Variants in NOL4 observed in about 807,000 individuals in gnomAD.
The protein encoded by NOL4 is nucleolar protein 4.
NOL4 carries 17 observed loss-of-function variants against 75.9 expected under a neutral mutation model. The ratio of observed to expected loss-of-function variants is 0.22; its 90% CI spans 0.15 to 0.34. The LOEUF (loss-of-function observed/expected upper bound fraction) is 0.34. NOL4 is among the 10% of genes least tolerant of loss of function. The pLI is 1.00. For missense variants in NOL4, 614 were observed against 793.5 expected, an observed-to-expected ratio of 0.77 and a Z score of 2.72; for synonymous variants, 292 against 289.9, an observed-to-expected ratio of 1.01 and a Z score of -0.07.
chr18:34,037,066 A>G (rs2144743190), intron 5 of NOL4, among the ~76,000 whole-genome samples: 1 of 149,032 alleles, frequency 6.7e-6, no homozygotes, highest in African/African-American at 2.4e-5. Context: ...CTGATAACCA[A>G]ATTTAGTAGA....
At chr18:34,056,191 T>G (rs1427193399) in intron 5 of NOL4, among the ~76,000 whole-genome samples, 1 of 152,220 alleles carries the variant, frequency 6.6e-6, no homozygotes, top group Non-Finnish European at 1.5e-5. Context: ...TCTTTGTTTC[T>G]CTGCATGCCT....
intron 1 of NOL4, among the ~76,000 whole-genome samples, chr18:34,206,739 G>A (rs560820849): frequency 6.6e-6 from 1 of 152,010 alleles, no homozygotes; most frequent in Non-Finnish European, 1.5e-5. Flanking sequence ...GTTCCACCAA[G>A]CATTTTGAAT....
intron 6 of NOL4, among the ~76,000 whole-genome samples, chr18:34,014,180 T>A (rs971130765): frequency 6.6e-6 from 1 of 152,002 alleles, no homozygotes; most frequent in Non-Finnish European, 1.5e-5. Context: ...TAATATTTTA[T>A]AAACTAACTG....
At chr18:34,127,442 A>G (rs1314556389) in intron 2 of NOL4, among the ~76,000 whole-genome samples, 1 of 151,920 alleles carries the variant, frequency 6.6e-6, no homozygotes, top group Non-Finnish European at 1.5e-5. Flanking sequence ...CATAATCATC[A>G]TGCATGCTCT....
intron 6 of NOL4, among the ~76,000 whole-genome samples, chr18:33,974,181 TGGTGAA>T (rs1568153039): frequency 2.0e-5 from 3 of 152,192 alleles, no homozygotes; most frequent in Non-Finnish European, 4.4e-5. Context: ...GTTTATGTTC[TGGTGAA>T]GGCCTCTTTC....
chr18:34,110,167 TG>T (rs1281073041), intron 2 of NOL4, among the ~76,000 whole-genome samples: 1 of 121,752 alleles, frequency 8.2e-6, no homozygotes, highest in Non-Finnish European at 1.7e-5. Context: ...AAAAAAATAC[TG>T]GGTAGGAGGG....
chr18:34,210,386 T>C (rs1050799107), intron 1 of NOL4, among the ~76,000 whole-genome samples: 4 of 152,226 alleles, frequency 2.6e-5, no homozygotes, highest in African/African-American at 9.6e-5. Context: ...TTTTGAGTCT[T>C]TGTAATGCAC....
At chr18:34,004,297 C>G (rs543871106) in intron 6 of NOL4, among the ~76,000 whole-genome samples, 55 of 152,164 alleles carry the variant, frequency 3.6e-4, no homozygotes, top group African/African-American at 1.3e-3. Flanking sequence ...ACTTTGGGCA[C>G]AAGTTCTCAA....
At chr18:34,164,934 C>T (rs1411909272) in intron 1 of NOL4, among the ~76,000 whole-genome samples, 9 of 152,028 alleles carry the variant, frequency 5.9e-5, no homozygotes, top group Admixed American at 5.2e-4. Flanking sequence ...AGCTCATGTC[C>T]TTTGTAGGGA....
intron 9 of NOL4, among the ~76,000 whole-genome samples, chr18:33,911,339 C>T (rs1172439624): frequency 6.6e-6 from 1 of 151,966 alleles, no homozygotes; most frequent in Non-Finnish European, 1.5e-5. Flanking sequence ...TAATTTCTTT[C>T]CCTCTGCTTT....
intron 5 of NOL4, among the ~76,000 whole-genome samples, chr18:34,077,056 A>G (rs370029396): frequency 1.3e-5 from 2 of 152,208 alleles, no homozygotes; most frequent in African/African-American, 4.8e-5. Flanking sequence ...CTATAATCCC[A>G]GCACTTTCGA....
At position 33,991,528 on chromosome 18, in the gene NOL4, C is replaced by T. The variant is rs992124154; in HGVS notation, c.1056+27790G>A. Among the ~76,000 whole-genome samples, 4 of 151,992 alleles carry T rather than the reference C, an allele frequency of 2.6e-5. No individual in the cohort carries two copies. In the South Asian group the frequency reaches 6.2e-4, roughly 24 times the overall value. On this transcript the variant is annotated intron_variant, in intron 6 of 10. Transcript: ENST00000261592. ...TTATTTTTACAGTGAAATGATTACA[C>T]TGCATTTTTTTTACAATTGTGGTGT...
chr18:34,020,951 G>A (rs981784452), intron 5 of NOL4, among the ~76,000 whole-genome samples: 2 of 152,068 alleles, frequency 1.3e-5, no homozygotes, highest in African/African-American at 4.8e-5. Context: ...TTCAATACTT[G>A]TGATTTTTAA....
chr18:33,893,395 T>C (rs528122726), intron 9 of NOL4, among the ~76,000 whole-genome samples: 49 of 152,244 alleles, frequency 3.2e-4, no homozygotes, highest in Non-Finnish European at 5.6e-4. Context: ...TTAAACTGAT[T>C]TGGACCCTGA....
intron 6 of NOL4, among the ~76,000 whole-genome samples, chr18:34,013,091 CT>C (rs1369436835): frequency 1.3e-5 from 2 of 151,890 alleles, no homozygotes; most frequent in Non-Finnish European, 2.9e-5. Flanking sequence ...TGTATTTGCT[CT>C]TCTTACATTG....
intron 5 of NOL4, among the ~76,000 whole-genome samples, chr18:34,090,665 G>T (rs1279307882): frequency 6.6e-6 from 1 of 152,034 alleles, no homozygotes; most frequent in East Asian, 1.9e-4. Flanking sequence ...AAAAAAAAGG[G>T]GGGGAGGCAT....
chr18:34,110,328 T>C (rs1363500542), intron 2 of NOL4, among the ~76,000 whole-genome samples: 1 of 151,962 alleles, frequency 6.6e-6, no homozygotes, highest in Non-Finnish European at 1.5e-5. Flanking sequence ...TTAAAAGGAT[T>C]ATACCCTATA....
intron 1 of NOL4, among the ~76,000 whole-genome samples, chr18:34,218,439 A>T (rs2037068237): frequency 6.6e-6 from 1 of 152,212 alleles, no homozygotes; most frequent in African/African-American, 2.4e-5. Flanking sequence ...GATAGTCTTC[A>T]TACACGAACA....
intron 1 of NOL4, among the ~76,000 whole-genome samples, chr18:34,202,993 A>C (rs1034620405): frequency 6.6e-6 from 1 of 152,070 alleles, no homozygotes; most frequent in African/African-American, 2.4e-5. Context: ...ACAAATATTT[A>C]TAATGGCCTT....
Sources: allele counts gnomAD v4.1 joint callset (sites outside exome capture counted in the v4.1 genomes callset), GRCh38; gene constraint gnomAD v4.1.1; transcripts MANE v1.5; gene names NCBI Gene and HGNC (gene_info 2026-07-23, HGNC 2026-07-21).